The following TOR1AIP1 variants were observed in gnomAD, a reference collection of about 807,000 sequenced individuals.
TOR1AIP1 encodes torsin 1A interacting protein 1.
In TOR1AIP1, 54 loss-of-function variants were observed where a neutral mutation model predicts 63.3. That is an observed-to-expected ratio of 0.85 (90% CI 0.69 to 1.07). The LOEUF is 1.07. Among genes scored for constraint, TOR1AIP1 ranks in the 50% least tolerant of loss-of-function variants. The pLI is 0.00. For synonymous variants in TOR1AIP1, 294 were observed against 273.5 expected (o/e 1.07, Z -0.74); for missense variants, 736 against 715.0 (o/e 1.03, Z -0.33).
At chr1:179,885,334 A>G (rs1410035583) in intron 2 of TOR1AIP1, among the ~76,000 whole-genome samples, 6 of 152,246 alleles carry the variant, frequency 3.9e-5, no homozygotes, top group Admixed American at 3.9e-4. Context: ...ATATGCCATA[A>G]TTATATGATG....
intron 3 of TOR1AIP1, among the ~76,000 whole-genome samples, chr1:179,894,175 C>G (rs904037206): frequency 4.0e-5 from 6 of 149,636 alleles, no homozygotes; most frequent in Non-Finnish European, 7.4e-5. Flanking sequence ...GGCGTGAACC[C>G]GGAAGGCAGA....
rs1395442798 is a variant in TOR1AIP1, at chr1:179,885,724, C to A, written c.553+955C>A. ...TCAAGTTGAGTTTCAAATAAAAACA[C>A]CTTCATGCTAATTTTTTTTTCTTTT... is the stretch of plus-strand genomic sequence containing the variant. On this transcript the variant is annotated intron_variant, in intron 2 of 9. Coordinates refer to ENST00000606911, the MANE Select transcript of TOR1AIP1 (RefSeq NM_015602.4). Among the ~76,000 whole-genome samples the A allele has an allele frequency of 2.0e-5, 3 of 151,928 alleles. No individual in the cohort carries two copies. In the East Asian group the frequency reaches 5.8e-4, roughly 29 times the overall value.
intron 1 of TOR1AIP1, chr1:179,883,822 C>A: frequency 2.7e-6 from 1 of 364,524 alleles, no homozygotes; most frequent in South Asian, 2.0e-5. Flanking sequence ...TCCTCTCCCA[C>A]CCTGCCCCCC....
intron 2 of TOR1AIP1, among the ~76,000 whole-genome samples, chr1:179,886,397 C>T (rs1234282677): frequency 6.6e-6 from 1 of 152,172 alleles, no homozygotes; most frequent in African/African-American, 2.4e-5. Flanking sequence ...ACCATGGCTG[C>T]ATGAGGTTGT....
Position 179,882,415 on chromosome 1 carries a change from A to AC in TOR1AIP1, c.-83dup. ...CTGACCACAGCGGCCACCGCCCAAC[A>AC]CCCCCGAGAAGCCATCGCCACCACC... On this transcript the variant is annotated 5_prime_UTR_variant, in exon 1 of 10. Coordinates refer to ENST00000606911, the MANE Select transcript of TOR1AIP1 (RefSeq NM_015602.4). 2 of 1,298,440 alleles carry AC rather than the reference A, an allele frequency of 1.5e-6. No individual in the cohort carries two copies. The allele number at this position is 1,298,440 out of a possible 1,614,324, so 80.4% of individuals were successfully genotyped here. A position where few individuals can be genotyped will look rare whatever the true frequency, so the allele number is the denominator to read the frequency against.
intron 1 of TOR1AIP1, among the ~76,000 whole-genome samples, chr1:179,883,227 C>G (rs995875289): frequency 6.6e-6 from 1 of 152,166 alleles, no homozygotes; most frequent in East Asian, 1.9e-4. Context: ...GGGCGCTCTG[C>G]CCAACATCGG....
chr1:179,907,609 A>ATATATATATATATATATATATATG (rs1553243770), intron 6 of TOR1AIP1, among the ~76,000 whole-genome samples: 1 of 23,384 alleles, frequency 4.3e-5, no homozygotes, highest in Non-Finnish European at 1.1e-4. Context: ...ATATATATAT[A>ATATATATATATATATATATATATG]TATATATATG....
chr1:179,911,782 A>C (rs12062341), intron 8 of TOR1AIP1, among the ~76,000 whole-genome samples: 92,033 of 151,854 alleles, frequency 0.61, 28,328 homozygotes, highest in East Asian at 0.76. Context: ...AGATTATTGT[A>C]ATGAGCTTAT....
At position 179,888,602 on chromosome 1, in the gene TOR1AIP1, C is replaced by G. The variant is rs866098603; in HGVS notation, c.554-711C>G. 3.6e-4 allele frequency among the ~76,000 whole-genome samples: 55 copies of G among 152,214 alleles called. 1 individual carries two copies. The highest frequency in any genetic ancestry group is 6.8e-3 in the Middle Eastern group (2 of 294). On this transcript the variant is annotated intron_variant, in intron 2 of 9. Transcript: ENST00000606911. ...AAGTTCCAGAATGTGTTTTTTGCAA[C>G]TCAGAGCTAAGACATAATGCTTTTT... is the stretch of plus-strand genomic sequence containing the variant.
At chr1:179,900,253 G>C in intron 4 of TOR1AIP1, 86 bp downstream of exon 4, 1 of 963,694 alleles carries the variant, frequency 1.0e-6, no homozygotes, top group Non-Finnish European at 1.6e-6. Flanking sequence ...TTTAAGAAGT[G>C]GGAACAGAGC....
intron 2 of TOR1AIP1, among the ~76,000 whole-genome samples, chr1:179,887,496 T>C (rs774958963): frequency 6.6e-6 from 1 of 152,174 alleles, no homozygotes; most frequent in Non-Finnish European, 1.5e-5. Context: ...GACTTGAAAA[T>C]GTTGATTAAT....
intron 8 of TOR1AIP1, among the ~76,000 whole-genome samples, chr1:179,912,720 A>T (rs1241105890): frequency 6.6e-6 from 1 of 152,246 alleles, no homozygotes; most frequent in Non-Finnish European, 1.5e-5. Context: ...AAGCTAAACT[A>T]GTAATTGAAA....
chr1:179,915,035 T>A (rs895882679), intron 9 of TOR1AIP1, among the ~76,000 whole-genome samples: 4 of 152,204 alleles, frequency 2.6e-5, no homozygotes, highest in African/African-American at 9.7e-5. Context: ...TTTTCTAATC[T>A]CTTTAATGCC....
At chr1:179,913,844 C>T (rs1368383116) in intron 8 of TOR1AIP1, among the ~76,000 whole-genome samples, 154 bp from the exon 9 acceptor site, 1 of 152,182 alleles carries the variant, frequency 6.6e-6, no homozygotes, top group African/African-American at 2.4e-5. Context: ...TCAGTCTAAT[C>T]GGCACTCAGA....
chr1:179,901,466 AC>A (rs1247439289), intron 5 of TOR1AIP1, 78 bp downstream of exon 5: 5 of 861,974 alleles, frequency 5.8e-6, no homozygotes, highest in Non-Finnish European at 6.7e-6. Context: ...TTTAAAAAAA[AC>A]TTTCAAATTT....
chr1:179,883,162 A>G, intron 1 of TOR1AIP1, 185 bp downstream of exon 1: 2 of 633,944 alleles, frequency 3.2e-6, no homozygotes, highest in South Asian at 2.0e-5. Context: ...CGGGGAAGGA[A>G]GCGCCGACCG....
At position 179,882,590 on chromosome 1, in the gene TOR1AIP1, G is replaced by T. The variant is rs779312410; in HGVS notation, c.88G>T (p.Gly30Cys). 3 of 1,524,532 alleles carry T rather than the reference G, an allele frequency of 2.0e-6. No homozygotes were observed. Among genetic ancestry groups the T allele is most frequent in the Admixed American group, 2.2e-5 (1 of 45,302 alleles). The allele number at this position is 1,524,532 out of a possible 1,614,324, so 94.4% of individuals were successfully genotyped here. The change falls in exon 1 of 10, where the codon GGC becomes TGC. Residue 30 changes from glycine (G) to cysteine (C), a missense_variant. Transcript: ENST00000606911. Reference protein sequence around the residue: ...TPRAPIREGRGRLAPQNGGSS... With the variant: ...TPRAPIREGRCRLAPQNGGSS... ...CAGGGCCCCCATCCGAGAGGGAAGG[G>T]GCCGGCTCGCCCCTCAAAATGGCGG...
At chr1:179,916,185 C>T (rs1341533934) in intron 9 of TOR1AIP1, among the ~76,000 whole-genome samples, 3 of 152,196 alleles carry the variant, frequency 2.0e-5, no homozygotes, top group African/African-American at 7.2e-5. Context: ...TGACTACACT[C>T]GTACAGTTTG....
At position 179,909,808 on chromosome 1, in the gene TOR1AIP1, G is replaced by T. The variant is rs191339386; in HGVS notation, c.907+1135G>T. Among the ~76,000 whole-genome samples the T allele has an allele frequency of 2.6e-5, 4 of 152,150 alleles. No homozygotes were observed. In the East Asian group the frequency reaches 7.7e-4, roughly 29 times the overall value. On this transcript the variant is annotated intron_variant, in intron 8 of 9. Transcript: ENST00000606911. The stretch of plus-strand genomic sequence containing the variant: ...GATGAAGTCTCCCTCTGTCGCCCAG[G>T]TTGGAGTGCAGTGGCACAATCTCAG...
Sources: gnomAD v4.1 joint callset for allele counts (sites outside exome capture counted in the v4.1 genomes callset) on GRCh38, gnomAD v4.1.1 for gene constraint, MANE v1.5 for transcripts, NCBI Gene and HGNC (gene_info 2026-07-23, HGNC 2026-07-21) for gene names.